Variants in TNRC6B observed in about 807,000 individuals in gnomAD.
TNRC6B encodes trinucleotide repeat-containing gene 6B protein.
A neutral mutation model predicts 203.6 loss-of-function variants in TNRC6B; 52 were observed. The observed-to-expected ratio is 0.26, with a 90% confidence interval of 0.20 to 0.32. The LOEUF is 0.32. Among genes scored for constraint, TNRC6B ranks in the 10% least tolerant of loss-of-function variants. The pLI is 1.00. For missense variants in TNRC6B, 1,923 were observed against 2,286.2 expected (o/e 0.84, Z 3.24); for synonymous variants, 838 against 845.7 (o/e 0.99, Z 0.16).
intron 1 of TNRC6B, among the ~76,000 whole-genome samples, chr22:40,078,673 A>ATTG: frequency 1.3e-5 from 2 of 149,990 alleles, no homozygotes; most frequent in Non-Finnish European, 3.0e-5. Context: ...GCTCACTGCA[A>ATTG]CCTCCACCTC....
At chr22:40,080,463 T>C (rs2068055464) in intron 1 of TNRC6B, among the ~76,000 whole-genome samples, 1 of 152,228 alleles carries the variant, frequency 6.6e-6, no homozygotes. Flanking sequence ...TAAGCAGTTA[T>C]CTAATCTTAT....
chr22:40,256,092 A>G (rs1410125766), intron 3 of TNRC6B, among the ~76,000 whole-genome samples: 2 of 152,166 alleles, frequency 1.3e-5, no homozygotes, highest in East Asian at 3.9e-4. Flanking sequence ...AGTTTAACTT[A>G]ATATTGATTG....
chr22:40,310,793 A>G, intron 16 of TNRC6B, 24 bp from the exon 17 acceptor site: 1 of 1,596,776 alleles, frequency 6.3e-7, no homozygotes, highest in East Asian at 2.2e-5. Context: ...ATTCTGGATG[A>G]TTTAATTTCC....
intron 1 of TNRC6B, among the ~76,000 whole-genome samples, chr22:40,053,848 T>C (rs1034213050): frequency 1.3e-5 from 2 of 152,096 alleles, no homozygotes; most frequent in African/African-American, 2.4e-5. Flanking sequence ...ACTACAGATG[T>C]GTTCTGTGTA....
intron 1 of TNRC6B, among the ~76,000 whole-genome samples, chr22:40,090,571 T>A (rs2068142142): frequency 6.6e-6 from 1 of 152,188 alleles, no homozygotes; most frequent in Non-Finnish European, 1.5e-5. Flanking sequence ...GAATTCTTTG[T>A]ATATTTTGGA....
At chr22:40,076,300 C>T (rs1364296050) in intron 1 of TNRC6B, among the ~76,000 whole-genome samples, 1 of 152,148 alleles carries the variant, frequency 6.6e-6, no homozygotes, top group African/African-American at 2.4e-5. Flanking sequence ...ATCTGTAGTT[C>T]CAGCTACTCA....
At chr22:40,071,788 T>G (rs924683438) in intron 1 of TNRC6B, among the ~76,000 whole-genome samples, 1 of 152,258 alleles carries the variant, frequency 6.6e-6, no homozygotes, top group Non-Finnish European at 1.5e-5. Context: ...TTTTCTGTGT[T>G]AACTGGCAGT....
chr22:40,232,765 C>A (rs2069891619), intron 1 of TNRC6B, among the ~76,000 whole-genome samples: 1 of 152,206 alleles, frequency 6.6e-6, no homozygotes, highest in Non-Finnish European at 1.5e-5. Flanking sequence ...CTAATCCCAG[C>A]ACTCTAGGAG....
At chr22:40,138,671 G>C (rs1353136395) in intron 3 of TNRC6B, among the ~76,000 whole-genome samples, 1 of 152,122 alleles carries the variant, frequency 6.6e-6, no homozygotes, top group African/African-American at 2.4e-5. Context: ...AGTAGAGAGA[G>C]AGGACATCAA....
chr22:40,292,320 T>C (rs1222003230), intron 12 of TNRC6B, among the ~76,000 whole-genome samples: 1 of 149,240 alleles, frequency 6.7e-6, no homozygotes, highest in African/African-American at 2.5e-5. Flanking sequence ...GCCACTGCAC[T>C]CTAGCCTGGG....
rs575089677 is a variant in TNRC6B, at chr22:40,205,312, G to A, written c.5+27172G>A. Among the ~76,000 whole-genome samples, 6 of 152,300 alleles carry A rather than the reference G, an allele frequency of 3.9e-5. No homozygotes were observed. In the South Asian group the frequency reaches 1.0e-3, roughly 26 times the overall value. On this transcript the variant is annotated intron_variant, in intron 1 of 22. Transcript: ENST00000454349. Reference sequence around the variant, plus strand: ...GTTCACAGATTATCCATTAATATAAGGTGAGACCAAAGTTTTGTGCACCAG... The same window carrying A: ...GTTCACAGATTATCCATTAATATAAAGTGAGACCAAAGTTTTGTGCACCAG...
chr22:40,283,497 T>C (rs754004850), intron 11 of TNRC6B, among the ~76,000 whole-genome samples: 15 of 152,198 alleles, frequency 9.9e-5, no homozygotes, highest in Non-Finnish European at 1.6e-4. Flanking sequence ...TTTCTAAATA[T>C]TTTTAAAGAC....
chr22:40,292,426 C>G (rs1188087540), intron 12 of TNRC6B, among the ~76,000 whole-genome samples: 1 of 151,824 alleles, frequency 6.6e-6, no homozygotes, highest in Admixed American at 6.6e-5. Flanking sequence ...TGGGTTTCTA[C>G]CATGCCTGTT....
At chr22:40,232,788 G>A (rs1337256060) in intron 1 of TNRC6B, among the ~76,000 whole-genome samples, 6 of 152,182 alleles carry the variant, frequency 3.9e-5, no homozygotes, top group East Asian at 1.9e-4. Context: ...CAAGGCAGGC[G>A]GATCACTTGA....
intron 4 of TNRC6B, among the ~76,000 whole-genome samples, chr22:40,165,279 C>A (rs8139315): frequency 0.36 from 54,614 of 151,612 alleles, 13,252 homozygotes; most frequent in African/African-American, 0.69. Flanking sequence ...TGGACTCAAG[C>A]AATCCTCCCA....
intron 8 of TNRC6B, among the ~76,000 whole-genome samples, chr22:40,277,654 C>A (rs562707491): frequency 2.0e-5 from 3 of 152,250 alleles, no homozygotes; most frequent in African/African-American, 7.2e-5. Context: ...TGACAAGTCA[C>A]GAGAAGAAGT....
chr22:40,173,621 G>A (rs2069025402), upstream of TNRC6B, among the ~76,000 whole-genome samples: 1 of 149,364 alleles, frequency 6.7e-6, no homozygotes, highest in African/African-American at 2.5e-5. Flanking sequence ...CACTATGTTT[G>A]TTGCCCAGTC....
intron 4 of TNRC6B, among the ~76,000 whole-genome samples, chr22:40,160,336 C>T (rs920489555): frequency 7.9e-5 from 12 of 151,970 alleles, no homozygotes; most frequent in Middle Eastern, 3.4e-3. Context: ...ATTAGCTGGG[C>T]GTGGTGGTAC....
At chr22:40,292,332 G>T (rs1029564912) in intron 12 of TNRC6B, among the ~76,000 whole-genome samples, 1 of 146,036 alleles carries the variant, frequency 6.8e-6, no homozygotes, top group Admixed American at 7.0e-5. Context: ...TAGCCTGGGC[G>T]ACAGAGTGAG....
Sources: allele counts gnomAD v4.1 joint callset (sites outside exome capture counted in the v4.1 genomes callset), GRCh38; gene constraint gnomAD v4.1.1; transcripts MANE v1.5; gene names NCBI Gene and HGNC (gene_info 2026-07-23, HGNC 2026-07-21).